The following ASPM variants were observed in gnomAD, a reference collection of about 807,000 sequenced individuals.
ASPM encodes abnormal spindle-like microcephaly-associated protein.
In ASPM, 256 loss-of-function variants were observed where a neutral mutation model predicts 366.4. The observed-to-expected ratio is 0.70, with a 90% CI of 0.63 to 0.77. ASPM has a LOEUF of 0.77. Among genes scored for constraint, ASPM ranks in the 30% least tolerant of loss-of-function variants. The pLI, the probability that ASPM is intolerant of heterozygous loss-of-function variation, is 0.00. For missense variants in ASPM, 4,146 were observed against 4,090.4 expected (o/e 1.01, Z -0.37); for synonymous variants, 1,414 against 1,342.9 (o/e 1.05, Z -1.16).
In ASPM at chr1:197,090,961, T is replaced by C. The variant is rs1421555239; in HGVS notation, c.9525A>G (p.Gln3175=). 8.7e-6 allele frequency: 14 copies of C among 1,613,092 alleles called. No homozygotes were observed. The highest frequency in any genetic ancestry group is 4.5e-5 in the East Asian group (2 of 44,824). Residue 3175 remains glutamine (Q), a synonymous_variant, in exon 23 of 28, where the codon CAA becomes CAG. Transcript: ENST00000367409. ...HSIKKIEHEG[Q]ECLSQRNRAA... The stretch of plus-strand genomic sequence containing the variant: ...CCCTATTTCGCTGGCTCAGACATTC[T>C]TGACCTTCATGCTCAATCTTTTTGA...
Position 197,124,344 on chromosome 1 carries a change from C to CA in ASPM, c.3169-14dup. 1 of 1,491,494 alleles carries CA rather than the reference C, an allele frequency of 6.7e-7. No individual in the cohort carries two copies. Among genetic ancestry groups the CA allele is most frequent in the Non-Finnish European group, 9.3e-7 (1 of 1,077,570 alleles). The allele number at this position is 1,491,494 out of a possible 1,614,324, so 92.4% of individuals were successfully genotyped here. A position where few individuals can be genotyped will look rare whatever the true frequency, so the allele number is the denominator to read the frequency against. On this transcript the variant is annotated splice_polypyrimidine_tract_variant and intron_variant, in intron 12 of 27. Transcript: ENST00000367409. ...GGGAAATATCCACCTAAAACAAACA[C>CA]AAAAAAAGATAAATACCTTCATATT...
At chr1:197,116,384 T>C (rs1657736851) in intron 17 of ASPM, among the ~76,000 whole-genome samples, 2 of 152,186 alleles carry the variant, frequency 1.3e-5, no homozygotes, top group South Asian at 4.1e-4. Flanking sequence ...ATAATAGATG[T>C]AGTACTAATG....
At position 197,131,807 on chromosome 1, in the gene ASPM, C is replaced by T. The variant is rs556039307; in HGVS notation, c.2487+478G>A. 5.3e-5 allele frequency among the ~76,000 whole-genome samples: 8 copies of T among 150,946 alleles called. No individual in the cohort carries two copies. In the East Asian group the frequency reaches 1.2e-3, roughly 23 times the overall value. ...ATCTCCTGACCTCACGATCAGCTCA[C>T]CTCAGTCTCCCAAAGTGCTCGGATT... On this transcript the variant is annotated intron_variant, in intron 7 of 27. Transcript: ENST00000367409.
intron 19 of ASPM, among the ~76,000 whole-genome samples, chr1:197,095,287 T>C (rs1656934292): frequency 6.6e-6 from 1 of 151,712 alleles, no homozygotes; most frequent in Admixed American, 6.6e-5. Flanking sequence ...ATTCTACTTC[T>C]ATCTTCATGC....
At chr1:197,087,833 A>G (rs1305099517) in intron 26 of ASPM, among the ~76,000 whole-genome samples, 3 of 152,190 alleles carry the variant, frequency 2.0e-5, no homozygotes, top group Non-Finnish European at 2.9e-5. Context: ...CCCACTTACC[A>G]GGATAAAGGC....
At chr1:197,091,151 A>C in intron 22 of ASPM, 110 bp from the exon 23 acceptor site, 3 of 1,014,308 alleles carry the variant, frequency 3.0e-6, no homozygotes, top group Non-Finnish European at 4.3e-6. Context: ...TATATCAAGA[A>C]ATCTTTCAGC....
In ASPM at chr1:197,125,135, G is replaced by A. The variant is rs971453990; in HGVS notation, c.2993C>T (p.Pro998Leu). The A allele has an allele frequency of 3.0e-5, 48 of 1,613,784 alleles. No homozygotes were observed. Among genetic ancestry groups the A allele is most frequent in the Middle Eastern group, 1.6e-4 (1 of 6,082 alleles). The change falls in exon 11 of 28, where the codon CCG becomes CTG. Residue 998 changes from proline to leucine, a missense_variant. By Grantham distance (98) the Pro-to-Leu change is moderately conservative. Around this residue, in one of 3 missense-constraint regions of ASPM, gnomAD observed 3,624 missense variants for 3,591.7 expected, o/e 1.01. Transcript: ENST00000367409. ...CATCTTTTGAAGACGACTTATTGCC[G>A]GAATCCTGAGTTTCTTTGAGAGGTC... ...NWDLSKKLRI[P>L]AISRLQKMHN...
chr1:197,123,380 C>T (rs1051613427), intron 13 of ASPM, among the ~76,000 whole-genome samples: 1 of 152,048 alleles, frequency 6.6e-6, no homozygotes, highest in African/African-American at 2.4e-5. Context: ...CAATAAATGA[C>T]CACAAAATAC....
rs1333580829 is a variant in ASPM, at chr1:197,093,221, C to A, written c.9125G>T (p.Gly3042Val). ...AAGAAAGACCTGCCTTCCTTTATAT[C>A]CTCTATAATGTGCTTGGATCAAACA... Reference protein sequence around the residue: ...AACLIQAHYRGYKGRQVFLRQ... With the variant: ...AACLIQAHYRVYKGRQVFLRQ... The change falls in exon 21 of 28, where the codon GGA (glycine) becomes GTA (valine). Residue 3042 changes from glycine (G) to valine (V), a missense_variant. Physicochemically the swap from Gly to Val is moderately radical, Grantham distance 109. Coordinates refer to ENST00000367409, the MANE Select transcript of ASPM (RefSeq NM_018136.5). 6.2e-7 allele frequency: 1 copy of A among 1,612,372 alleles called. No homozygotes were observed. The highest frequency in any genetic ancestry group is 8.5e-7 in the Non-Finnish European group (1 of 1,178,920).
chr1:197,091,930 C>T lies in ASPM; in HGVS notation c.9421G>A (p.Val3141Ile), dbSNP rs758168416. 5.0e-6 allele frequency: 8 copies of T among 1,610,642 alleles called. No individual in the cohort carries two copies. The highest frequency in any genetic ancestry group is 6.8e-6 in the Non-Finnish European group (8 of 1,178,602). ...ACCTGAATACAGATGACTGAATTAA[C>T]CTGCTTGTTAGCATTCTTCACAGCC... ...YLAVKNANKQ[V>I]NSVICIQRWF... Residue 3141 changes from valine (V) to isoleucine (I), a missense_variant, in exon 22 of 28, where the codon GTT becomes ATT. Coordinates refer to ENST00000367409, the MANE Select transcript of ASPM (RefSeq NM_018136.5).
Position 197,101,217 on chromosome 1 carries a change from G to T in ASPM, c.8034C>A (p.Gly2678=), listed in dbSNP as rs587783276. ...AVICIQSYYR[G]FKVRKDIQNM... ...TTTGAATATCCTTTCGTACTTTAAAGCCTCTGTAATAAGACTGTATACAAA... is the reference window on the plus strand; with the variant it reads ...TTTGAATATCCTTTCGTACTTTAAATCCTCTGTAATAAGACTGTATACAAA... Residue 2678 remains glycine (G), a synonymous_variant, in exon 18 of 28, where the codon GGC becomes GGA. Transcript: ENST00000367409. 2.7e-5 allele frequency: 43 copies of T among 1,612,126 alleles called. No individual in the cohort carries two copies. Among genetic ancestry groups the T allele is most frequent in the Non-Finnish European group, 3.6e-5 (43 of 1,179,054 alleles).
At chr1:197,132,806 G>C (rs576680907) in intron 6 of ASPM, among the ~76,000 whole-genome samples, 91 of 151,094 alleles carry the variant, frequency 6.0e-4, no homozygotes, top group African/African-American at 1.8e-3. Flanking sequence ...TCTTAAAAAT[G>C]AAAATCCTGT....
intron 17 of ASPM, among the ~76,000 whole-genome samples, chr1:197,110,477 A>G (rs957631047): frequency 6.6e-6 from 1 of 152,146 alleles, no homozygotes; most frequent in Non-Finnish European, 1.5e-5. Flanking sequence ...GAGTACTTTG[A>G]TATGACGCTA....
chr1:197,114,130 T>C lies in ASPM; in HGVS notation c.4065+3659A>G, dbSNP rs139613718. Among the ~76,000 whole-genome samples the C allele has an allele frequency of 2.6e-3, 399 of 152,320 alleles. 3 individuals carry two copies. Among genetic ancestry groups the C allele is most frequent in the African/African-American group, 9.3e-3 (385 of 41,574 alleles). On this transcript the variant is annotated intron_variant, in intron 17 of 27. Transcript: ENST00000367409. ...CAATAAAGTGAGTCACACAATTTTT[T>C]TGGTTTCCCAATACATACCGAAGTT...
At chr1:197,094,330 G>A (rs192174704) in intron 19 of ASPM, 150 bp from the exon 20 acceptor site, 6 of 597,116 alleles carry the variant, frequency 1.0e-5, no homozygotes, top group African/African-American at 1.9e-5. Context: ...ATAATTCATA[G>A]TTAAGTTCTA....
chr1:197,086,991 A>T lies in ASPM; in HGVS notation c.10162-19T>A. 6.3e-7 allele frequency: 1 copy of T among 1,595,644 alleles called. No homozygotes were observed. Among genetic ancestry groups the T allele is most frequent in the South Asian group, 1.1e-5 (1 of 90,152 alleles). On this transcript the variant is annotated intron_variant, in intron 26 of 27. Coordinates refer to ENST00000367409, the MANE Select transcript of ASPM (RefSeq NM_018136.5). Reference sequence around the variant, plus strand: ...GTACATCCTACAAAATAAAATGCACAGTTACTAAAAAGTAATAAGAATTAA... The same window carrying T: ...GTACATCCTACAAAATAAAATGCACTGTTACTAAAAAGTAATAAGAATTAA...
At chr1:197,131,335 A>C (rs1038041259) in intron 7 of ASPM, among the ~76,000 whole-genome samples, 1 of 152,218 alleles carries the variant, frequency 6.6e-6, no homozygotes, top group South Asian at 2.1e-4. Context: ...CTAGCAAAAA[A>C]CTAAAGAATA....
At chr1:197,120,472 G>T (rs558752722) in intron 16 of ASPM, among the ~76,000 whole-genome samples, 5 of 152,206 alleles carry the variant, frequency 3.3e-5, no homozygotes, top group Non-Finnish European at 7.4e-5. Context: ...AAAATCTGAA[G>T]TGAGCCAAGA....
chr1:197,133,529 G>A lies in ASPM; in HGVS notation c.2240C>T (p.Thr747Ile), dbSNP rs1442266709. 6.2e-7 allele frequency: 1 copy of A among 1,613,886 alleles called. No homozygotes were observed. The highest frequency in any genetic ancestry group is 8.5e-7 in the Non-Finnish European group (1 of 1,179,844). The stretch of plus-strand genomic sequence containing the variant: ...AGCTCTGAGAGACATTTCCTCTTTT[G>A]TAGGTGCTCTAGGAACACTTATTTT... ...QHKISVPRAP[T>I]KEEMSLRAYT... The change falls in exon 6 of 28, where the codon ACA becomes ATA. Residue 747 changes from threonine to isoleucine, a missense_variant. Thr to Ile is a moderately conservative substitution (Grantham distance 89, BLOSUM62 -1). This residue lies in a region of ASPM where 3,624 missense variants were observed against 3,591.7 expected (regional missense o/e 1.01). Coordinates refer to ENST00000367409, the MANE Select transcript of ASPM (RefSeq NM_018136.5).
Sources: allele counts gnomAD v4.1 joint callset (sites outside exome capture counted in the v4.1 genomes callset), GRCh38; gene constraint gnomAD v4.1.1; regional missense constraint gnomAD v4.1.1; transcripts MANE v1.5; gene names NCBI Gene and HGNC (gene_info 2026-07-23, HGNC 2026-07-21).